The following TSPAN9 variants were observed in gnomAD, a reference collection of about 807,000 sequenced individuals.
TSPAN9 encodes the protein tetraspanin-9.
A neutral mutation model predicts 31.0 loss-of-function variants in TSPAN9; 16 were observed. The ratio of observed to expected loss-of-function variants is 0.52; its 90% confidence interval spans 0.35 to 0.78. The LOEUF is 0.78. Ranked by LOEUF, TSPAN9 falls within the 30% of genes least tolerant of loss-of-function variation. The probability of loss-of-function intolerance (pLI) is 0.01; values close to 1 mark genes in which losing one functional copy is unlikely to be tolerated. For synonymous variants in TSPAN9, 145 were observed against 121.6 expected (o/e 1.19, Z -1.27); for missense variants, 272 against 312.5 (o/e 0.87, Z 0.98).
intron 2 of TSPAN9, among the ~76,000 whole-genome samples, chr12:3,118,667 C>T (rs1363518815): frequency 6.6e-6 from 1 of 151,800 alleles, no homozygotes; most frequent in African/African-American, 2.4e-5. Flanking sequence ...GCACCTGCAG[C>T]CCTTGGCCTC....
intron 3 of TSPAN9, among the ~76,000 whole-genome samples, chr12:3,212,350 A>G (rs1276174847): frequency 2.0e-5 from 3 of 152,230 alleles, no homozygotes; most frequent in Non-Finnish European, 2.9e-5. Flanking sequence ...ATTTCACCAT[A>G]CATTAGGTCT....
At chr12:3,193,054 A>G (rs1302650967) in intron 2 of TSPAN9, among the ~76,000 whole-genome samples, 3 of 152,142 alleles carry the variant, frequency 2.0e-5, no homozygotes, top group Admixed American at 6.5e-5. Flanking sequence ...TTCTAGCTGA[A>G]GAAACTGAGA....
chr12:3,201,622 C>A (rs1199995447), intron 3 of TSPAN9, among the ~76,000 whole-genome samples: 2 of 152,166 alleles, frequency 1.3e-5, no homozygotes, highest in African/African-American at 4.8e-5. Flanking sequence ...AGCTGTGAGC[C>A]TGAGTTGGAG....
chr12:3,235,192 A>G (rs2098392775), intron 3 of TSPAN9, among the ~76,000 whole-genome samples: 1 of 41,360 alleles, frequency 2.4e-5, no homozygotes, highest in African/African-American at 1.1e-4. Context: ...CAAAAAAAAA[A>G]AAAAAAAAAA....
In TSPAN9 at chr12:3,284,020, G is replaced by C. The variant is rs1447138692; in HGVS notation, c.*904G>C. ...TCGAGCTGGAAATGCCAGGGCAGGG[G>C]GGCCCCACGGTGCTGTGGCAGAGCT... On this transcript the variant is annotated 3_prime_UTR_variant, in exon 9 of 9. Coordinates refer to ENST00000011898, the MANE Select transcript of TSPAN9 (RefSeq NM_006675.5). The C allele has an allele frequency of 6.6e-6, 1 of 152,484 alleles. No individual in the cohort carries two copies. Among genetic ancestry groups the C allele is most frequent in the Non-Finnish European group, 1.5e-5 (1 of 68,124 alleles). The allele number at this position is 152,484 out of a possible 1,614,324, so 9.4% of individuals were successfully genotyped here.
intron 1 of TSPAN9, among the ~76,000 whole-genome samples, chr12:3,083,376 C>G (rs1324348062): frequency 1.3e-5 from 2 of 152,228 alleles, no homozygotes; most frequent in Non-Finnish European, 2.9e-5. Flanking sequence ...TCTGTTACTT[C>G]TGTAACTGCC....
At chr12:3,190,701 C>A (rs552701450) in intron 2 of TSPAN9, among the ~76,000 whole-genome samples, 1 of 152,230 alleles carries the variant, frequency 6.6e-6, no homozygotes, top group Non-Finnish European at 1.5e-5. Context: ...TAAACCTTCT[C>A]TAAGAGGAGA....
chr12:3,135,777 A>T (rs983641870), intron 2 of TSPAN9, among the ~76,000 whole-genome samples: 6 of 152,128 alleles, frequency 3.9e-5, no homozygotes, highest in African/African-American at 1.4e-4. Context: ...TGATTCCAGG[A>T]TGGGTCTGAG....
chr12:3,095,286 G>C (rs1488081132), intron 2 of TSPAN9, among the ~76,000 whole-genome samples: 2 of 144,394 alleles, frequency 1.4e-5, no homozygotes, highest in Non-Finnish European at 3.0e-5. Context: ...ACACAGACAC[G>C]GCAACCATCC....
intron 3 of TSPAN9, among the ~76,000 whole-genome samples, chr12:3,272,413 A>G (rs1298949922): frequency 6.6e-6 from 1 of 151,936 alleles, no homozygotes; most frequent in East Asian, 1.9e-4. Context: ...GCAAATATTT[A>G]TCTAGTAATC....
At chr12:3,240,794 T>C (rs2098396192) in intron 3 of TSPAN9, among the ~76,000 whole-genome samples, 1 of 152,136 alleles carries the variant, frequency 6.6e-6, no homozygotes, top group African/African-American at 2.4e-5. Context: ...ACAATAGCAC[T>C]GAGATGGCGT....
At chr12:3,090,498 G>A (rs2098303744) in intron 2 of TSPAN9, among the ~76,000 whole-genome samples, 1 of 152,240 alleles carries the variant, frequency 6.6e-6, no homozygotes, top group Non-Finnish European at 1.5e-5. Flanking sequence ...CTGCTACGTG[G>A]TTTCTCACTG....
chr12:3,278,477 C>A lies in TSPAN9; in HGVS notation c.120C>A (p.Asn40Lys). 6.2e-7 allele frequency: 1 copy of A among 1,614,240 alleles called. No homozygotes were observed. Among genetic ancestry groups the A allele is most frequent in the South Asian group, 1.1e-5 (1 of 91,088 alleles). Residue 40 changes from asparagine (N) to lysine (K), a missense_variant, in exon 4 of 9, where the codon AAC becomes AAA. Asn to Lys is a moderately conservative substitution (Grantham distance 94). Coordinates refer to ENST00000011898, the MANE Select transcript of TSPAN9 (RefSeq NM_006675.5). ...VGIWLSVSQG[N>K]FATFSPSFPS... The stretch of plus-strand genomic sequence containing the variant: ...TCTGGCTCTCCGTGTCCCAAGGCAA[C>A]TTTGCCACCTTCTCCCCCAGCTTCC...
rs1389634431 is a variant in TSPAN9, at chr12:3,253,556, C to T, written c.64-24865C>T. 2.6e-5 allele frequency among the ~76,000 whole-genome samples: 4 copies of T among 152,328 alleles called. No individual in the cohort carries two copies. The East Asian group carries it at 7.7e-4, about 29-fold the overall frequency. ...AGTGTTCGCTGAGCTCGGCCAGTGC[C>T]ATGGGGTTTGCAGAACATCCTTGTA... On this transcript the variant is annotated intron_variant, in intron 3 of 8. Transcript: ENST00000011898.
chr12:3,244,364 G>A (rs1004817251), intron 3 of TSPAN9, among the ~76,000 whole-genome samples: 7 of 152,154 alleles, frequency 4.6e-5, no homozygotes, highest in Admixed American at 1.3e-4. Context: ...TGGACATCTC[G>A]GGGTGAGGTG....
chr12:3,175,823 C>A (rs575838335), intron 2 of TSPAN9, among the ~76,000 whole-genome samples: 26 of 152,298 alleles, frequency 1.7e-4, no homozygotes, highest in Admixed American at 8.5e-4. Context: ...TAGAAAGATA[C>A]TTAACACCGA....
intron 2 of TSPAN9, among the ~76,000 whole-genome samples, chr12:3,186,100 C>T (rs150447908): frequency 3.3e-5 from 5 of 152,278 alleles, no homozygotes; most frequent in African/African-American, 4.8e-5. Flanking sequence ...AGGGCAAGAA[C>T]GCAGGTATCC....
chr12:3,214,351 C>T (rs2098380265), intron 3 of TSPAN9, among the ~76,000 whole-genome samples: 1 of 152,216 alleles, frequency 6.6e-6, no homozygotes, highest in Non-Finnish European at 1.5e-5. Flanking sequence ...CTCACCTGGA[C>T]TACGTGTGTG....
chr12:3,106,794 A>G (rs921998738), intron 2 of TSPAN9, among the ~76,000 whole-genome samples: 8 of 152,126 alleles, frequency 5.3e-5, no homozygotes, highest in Non-Finnish European at 7.4e-5. Context: ...AAAACAAAAC[A>G]GTAAAAGAGG....
Sources: allele counts gnomAD v4.1 joint callset (sites outside exome capture counted in the v4.1 genomes callset), GRCh38; gene constraint gnomAD v4.1.1; transcripts MANE v1.5; gene names NCBI Gene and HGNC (gene_info 2026-07-23, HGNC 2026-07-21).